GART: variants seen among roughly 807,000 people sequenced by gnomAD.
GART encodes phosphoribosylglycinamide formyltransferase, phosphoribosylglycinamide synthetase, phosphoribosylaminoimidazole synthetase.
A neutral mutation model predicts 107.2 loss-of-function variants in GART; 43 were observed. The ratio of observed to expected loss-of-function variants is 0.40; its 90% CI spans 0.31 to 0.52. The LOEUF is 0.52. GART is among the 20% of genes least tolerant of loss of function. The probability of loss-of-function intolerance (pLI) is 0.52; values close to 1 mark genes in which losing one functional copy is unlikely to be tolerated. For synonymous variants in GART, 434 were observed against 427.0 expected, an observed-to-expected ratio of 1.02 and a Z score of -0.20; for missense variants, 1,107 against 1,206.5, an observed-to-expected ratio of 0.92 and a Z score of 1.22.
At chr21:33,541,622 A>C (rs1378511769) in intron 1 of GART, among the ~76,000 whole-genome samples, 3 of 152,164 alleles carry the variant, frequency 2.0e-5, no homozygotes, top group Non-Finnish European at 4.4e-5. Context: ...GCCCCATACT[A>C]GCAGGAAGAC....
intron 16 of GART, among the ~76,000 whole-genome samples, chr21:33,514,693 A>G (rs1348060169): frequency 2.0e-5 from 3 of 152,192 alleles, no homozygotes; most frequent in Non-Finnish European, 4.4e-5. Context: ...CTCACCAGAA[A>G]GCATTTCTAC....
At position 33,524,991 on chromosome 21, in the gene GART, T is replaced by G. The variant is rs750960199; in HGVS notation, c.1076A>C (p.Glu359Ala). The G allele has an allele frequency of 1.2e-6, 2 of 1,613,876 alleles. No individual in the cohort carries two copies. The part of the protein sequence containing the change: ...TKGVEITGFP[E>A]AQALGLEVFH... ...CACCTCCAGTCCTAGAGCTTGAGCC[T>G]CAGGAAACCCTAGAAGAGAGCATAT... Residue 359 changes from glutamate (E) to alanine (A), a missense_variant, in exon 11 of 22, where the codon GAG becomes GCG. Transcript: ENST00000381815.
chr21:33,535,247 TC>T lies in GART; in HGVS notation c.218del (p.Gly73AspfsTer14). ...KEKKIEFVVVGPEAPLAAGIV... is the reference protein window; with the variant it reads ...KEKKIEFVVVXPEAPLAAGIV... Reference sequence around the variant, plus strand: ...TACCAGCAGCCAGAGGTGCTTCTGGTCCAACAACTACAAATTCAATTTTCTT... The same window carrying T: ...TACCAGCAGCCAGAGGTGCTTCTGGTCAACAACTACAAATTCAATTTTCTT... On this transcript the variant is annotated frameshift_variant, in exon 3 of 22. Transcript: ENST00000381815. LOFTEE classifies it high-confidence loss of function. 1 of 1,537,982 alleles carries T rather than the reference TC, an allele frequency of 6.5e-7. No homozygotes were observed. The highest frequency in any genetic ancestry group is 8.8e-7 in the Non-Finnish European group (1 of 1,138,448).
chr21:33,522,361 A>G (rs1267095152), intron 11 of GART, 79 bp from the exon 12 acceptor site: 2 of 1,128,118 alleles, frequency 1.8e-6, no homozygotes, highest in East Asian at 5.1e-5. Flanking sequence ...AAAGCAGAAG[A>G]TATCCCAAGT....
At chr21:33,510,259 C>G (rs950898988) in intron 17 of GART, 1 of 189,020 alleles carries the variant, frequency 5.3e-6, no homozygotes, top group Non-Finnish European at 1.1e-5. Flanking sequence ...ATCTCCTGGT[C>G]TCGGGGATAA....
intron 10 of GART, 99 bp downstream of exon 10, chr21:33,528,068 A>T (rs1194730857): frequency 8.8e-7 from 1 of 1,132,610 alleles, no homozygotes; most frequent in Non-Finnish European, 1.3e-6. Flanking sequence ...TGATGGCTTC[A>T]CACTCTTATC....
Position 33,504,547 on chromosome 21 carries a change from TAGTGGTC to T in GART, c.2726-27_2726-21del. Reference sequence around the variant, plus strand: ...TTTTTCCTAAAAATTAAAAAAAGCATAGTGGTCAGAATTTAAAAATCCTGGGTATTCT... The same window carrying T: ...TTTTTCCTAAAAATTAAAAAAAGCATAGAATTTAAAAATCCTGGGTATTCT... On this transcript the variant is annotated intron_variant, in intron 20 of 21. Transcript: ENST00000381815. 1 of 1,541,382 alleles carries T rather than the reference TAGTGGTC, an allele frequency of 6.5e-7. No individual in the cohort carries two copies.
At position 33,511,372 on chromosome 21, in the gene GART, T is replaced by TA. The variant is rs749057346; in HGVS notation, c.2193dup (p.Asn732Ter). The TA allele has an allele frequency of 1.9e-6, 3 of 1,614,180 alleles. No individual in the cohort carries two copies. Among genetic ancestry groups the TA allele is most frequent in the Non-Finnish European group, 2.5e-6 (3 of 1,180,032 alleles). On this transcript the variant is annotated frameshift_variant, in exon 17 of 22. Transcript: ENST00000381815. LOFTEE classifies it high-confidence loss of function. ...ACAAGGACAGCGCCAACCCCACAGT[T>TA]AAATGTTCTGGCCATCTCTTCCTCA... is the stretch of plus-strand genomic sequence containing the variant.
intron 16 of GART, among the ~76,000 whole-genome samples, chr21:33,512,363 T>A (rs1229127507): frequency 6.8e-6 from 1 of 147,184 alleles, no homozygotes. Context: ...CTAATAAAAA[T>A]TTTTAGGTAA....
intron 2 of GART, among the ~76,000 whole-genome samples, chr21:33,537,159 T>C (rs972543805): frequency 6.6e-6 from 1 of 152,192 alleles, no homozygotes; most frequent in Non-Finnish European, 1.5e-5. Flanking sequence ...AGACTACTTG[T>C]AGTAGTCTCA....
chr21:33,509,770 A>G lies in GART; in HGVS notation c.2452+13T>C, dbSNP rs1235351069. On this transcript the variant is annotated intron_variant, in intron 18 of 21. Coordinates refer to ENST00000381815, the MANE Select transcript of GART (RefSeq NM_000819.5). ...GTCAACAGCTCTACAGTGAAGGGGA[A>G]GCCACATCTCACCTGTTCCAGATAT... The G allele has an allele frequency of 6.2e-7, 1 of 1,612,614 alleles. No homozygotes were observed. The highest frequency in any genetic ancestry group is 1.1e-5 in the South Asian group (1 of 90,688).
chr21:33,530,540 A>G (rs772653329), intron 7 of GART, among the ~76,000 whole-genome samples: 2 of 152,256 alleles, frequency 1.3e-5, no homozygotes, highest in Non-Finnish European at 2.9e-5. Flanking sequence ...TTCAACCCAT[A>G]CTATACTTTA....
Position 33,539,414 on chromosome 21 carries a change from C to T in GART, c.-41-58G>A, listed in dbSNP as rs144139633. On this transcript the variant is annotated intron_variant, in intron 1 of 21. Coordinates refer to ENST00000381815, the MANE Select transcript of GART (RefSeq NM_000819.5). ...GATGCACATTTTAGAAACCCAGGGA[C>T]GGGCACAGTGGCTCATGCCTGTACC... is the stretch of plus-strand genomic sequence containing the variant. 1,603 of 1,346,428 alleles carry T rather than the reference C, an allele frequency of 1.2e-3. 2 individuals are homozygous for T. Among genetic ancestry groups the T allele is most frequent in the Middle Eastern group, 4.5e-3 (24 of 5,276 alleles). The allele number at this position is 1,346,428 out of a possible 1,614,324, so 83.4% of individuals were successfully genotyped here.
chr21:33,522,092 C>A, intron 12 of GART, 96 bp downstream of exon 12: 1 of 889,124 alleles, frequency 1.1e-6, no homozygotes, highest in East Asian at 2.5e-5. Context: ...AGTAACCAAG[C>A]ATTGCTTTGG....
intron 16 of GART, 101 bp downstream of exon 16, chr21:33,516,888 C>T: frequency 2.0e-6 from 2 of 985,428 alleles, no homozygotes; most frequent in Non-Finnish European, 3.0e-6. Flanking sequence ...AAGAATTTTC[C>T]ATGTGTAATC....
At chr21:33,534,527 A>T in intron 4 of GART, 52 bp downstream of exon 4, 2 of 1,599,278 alleles carry the variant, frequency 1.3e-6, no homozygotes, top group South Asian at 2.2e-5. Flanking sequence ...TGACCTGTGT[A>T]TTTAAATATC....
chr21:33,539,674 C>T (rs571779180), intron 1 of GART, among the ~76,000 whole-genome samples: 1 of 149,712 alleles, frequency 6.7e-6, no homozygotes, highest in Admixed American at 6.6e-5. Flanking sequence ...GCCTGGGAAA[C>T]AGAGCAAGAC....
rs756814946 is a variant in GART, at chr21:33,506,041, A to G, written c.2516T>C (p.Ile839Thr). ...TACTGCGGCTTTGTTGGAGATAACA[A>G]TATCAATTTGTGCAGAGCTATTTGG... ...REPNSSAQID[I>T]VISNKAAVAG... Residue 839 changes from isoleucine (I) to threonine (T), a missense_variant, in exon 19 of 22, where the codon ATT (isoleucine) becomes ACT (threonine). Transcript: ENST00000381815. The G allele has an allele frequency of 6.2e-7, 1 of 1,614,190 alleles. No homozygotes were observed. Among genetic ancestry groups the G allele is most frequent in the Non-Finnish European group, 8.5e-7 (1 of 1,180,044 alleles).
At chr21:33,541,123 G>C (rs1298266629) in intron 1 of GART, among the ~76,000 whole-genome samples, 2 of 151,906 alleles carry the variant, frequency 1.3e-5, no homozygotes, top group African/African-American at 4.8e-5. Flanking sequence ...ATGTGTATCT[G>C]AAATAAACAG....
Sources: allele counts gnomAD v4.1 joint callset (sites outside exome capture counted in the v4.1 genomes callset), GRCh38; gene constraint gnomAD v4.1.1; transcripts MANE v1.5; gene names NCBI Gene and HGNC (gene_info 2026-07-23, HGNC 2026-07-21).